The following CFTR variants were observed in gnomAD, a reference collection of about 807,000 sequenced individuals.
CFTR encodes the protein CF transmembrane conductance regulator, also known as cystic fibrosis transmembrane conductance regulator.
In CFTR, 181 loss-of-function variants were observed where a neutral mutation model predicts 171.6. The ratio of observed to expected loss-of-function variants is 1.05; its 90% CI spans 0.93 to 1.19. CFTR has a LOEUF of 1.19. Ranked by LOEUF, CFTR falls within the 50% of genes most tolerant of loss-of-function variation. The pLI is 0.00. For synonymous variants in CFTR, 583 were observed against 608.0 expected (o/e 0.96, Z 0.60); for missense variants, 1,968 against 1,734.7 (o/e 1.13, Z -2.39).
chr7:117,600,214 C>T (rs1347345807), intron 15 of CFTR, among the ~76,000 whole-genome samples: 4 of 152,000 alleles, frequency 2.6e-5, no homozygotes, highest in African/African-American at 9.7e-5. Flanking sequence ...TATTTGGTAA[C>T]ATTTTCCCTA....
chr7:117,590,304 G>T, intron 12 of CFTR, 49 bp from the exon 13 acceptor site: 2 of 1,584,490 alleles, frequency 1.3e-6, no homozygotes, highest in South Asian at 2.2e-5. Flanking sequence ...TACACTAGAT[G>T]ACCAGGAAAT....
In CFTR at chr7:117,639,962, G is replaced by A. The variant is rs949635279; in HGVS notation, c.3718-2476G>A. On this transcript the variant is annotated intron_variant, in intron 22 of 26. Transcript: ENST00000003084. ...CCATCTGTTGCAGTATTAAAATGGCGAGTAAGACACCCTGAAAGGAAATGT... is the reference window on the plus strand; with the variant it reads ...CCATCTGTTGCAGTATTAAAATGGCAAGTAAGACACCCTGAAAGGAAATGT... 5.3e-5 allele frequency among the ~76,000 whole-genome samples: 8 copies of A among 152,224 alleles called. No homozygotes were observed. The East Asian group carries it at 5.8e-4, about 11-fold the overall frequency.
intron 13 of CFTR, among the ~76,000 whole-genome samples, chr7:117,590,979 TAGAC>T (rs1209209349): frequency 6.6e-6 from 1 of 152,044 alleles, no homozygotes; most frequent in South Asian, 2.1e-4. Flanking sequence ...TGAAATTCCC[TAGAC>T]AGACAGACAG....
At chr7:117,595,616 G>T (rs1009117975) in intron 15 of CFTR, among the ~76,000 whole-genome samples, 26 of 152,138 alleles carry the variant, frequency 1.7e-4, no homozygotes, top group African/African-American at 6.3e-4. Flanking sequence ...AGGCATGGTG[G>T]TTCATGCCTG....
At chr7:117,531,433 G>A (rs1284747575) in intron 4 of CFTR, among the ~76,000 whole-genome samples, 1 of 151,448 alleles carries the variant, frequency 6.6e-6, no homozygotes, top group African/African-American at 2.4e-5. Context: ...AAAAGTAATT[G>A]ACAAAATATC....
intron 3 of CFTR, among the ~76,000 whole-genome samples, chr7:117,520,926 C>T (rs1291385969): frequency 1.3e-5 from 2 of 151,890 alleles, no homozygotes; most frequent in Non-Finnish European, 2.9e-5. Flanking sequence ...GAAGATTGCA[C>T]TAATCTTATA....
intron 15 of CFTR, among the ~76,000 whole-genome samples, chr7:117,596,553 G>T (rs1419706980): frequency 1.3e-5 from 2 of 152,372 alleles, no homozygotes; most frequent in Admixed American, 6.5e-5. Flanking sequence ...GGGATCCACT[G>T]GGTGAAGCCA....
chr7:117,660,980 A>C (rs1387758338), intron 24 of CFTR, among the ~76,000 whole-genome samples: 1 of 152,182 alleles, frequency 6.6e-6, no homozygotes, highest in Non-Finnish European at 1.5e-5. Flanking sequence ...AGTTGAAAGA[A>C]TATATGACTA....
At chr7:117,554,000 G>T (rs1373046421) in intron 10 of CFTR, among the ~76,000 whole-genome samples, 1 of 152,126 alleles carries the variant, frequency 6.6e-6, no homozygotes, top group Non-Finnish European at 1.5e-5. Flanking sequence ...GACAGGGAGG[G>T]TAGAATACTG....
intron 11 of CFTR, among the ~76,000 whole-genome samples, chr7:117,568,593 AT>A (rs1325162597): frequency 5.9e-5 from 9 of 152,126 alleles, no homozygotes; most frequent in Admixed American, 2.0e-4. Flanking sequence ...ATTTTTAAAT[AT>A]TTTTTCAGCC....
chr7:117,520,125 A>G (rs1302868101), intron 3 of CFTR, among the ~76,000 whole-genome samples: 1 of 151,534 alleles, frequency 6.6e-6, no homozygotes, highest in African/African-American at 2.4e-5. Flanking sequence ...TTAATTATGC[A>G]TTTATATTTC....
chr7:117,485,119 G>C (rs1798054466), intron 1 of CFTR, among the ~76,000 whole-genome samples: 2 of 152,172 alleles, frequency 1.3e-5, no homozygotes, highest in Middle Eastern at 3.2e-3. Context: ...GTCCTTGAGT[G>C]AGTACTGCTA....
At chr7:117,483,457 A>G (rs2116608921) in intron 1 of CFTR, among the ~76,000 whole-genome samples, 1 of 152,334 alleles carries the variant, frequency 6.6e-6, no homozygotes, top group African/African-American at 2.4e-5. Flanking sequence ...CTGAAAATAT[A>G]AAGATTTTTC....
intron 24 of CFTR, among the ~76,000 whole-genome samples, chr7:117,661,618 C>T (rs577012894): frequency 6.6e-6 from 1 of 152,244 alleles, no homozygotes; most frequent in Admixed American, 6.5e-5. Context: ...CCCAAGGCAA[C>T]TTGTGAAGGA....
chr7:117,565,532 C>T (rs1056667044), intron 11 of CFTR, among the ~76,000 whole-genome samples: 12 of 150,834 alleles, frequency 8.0e-5, no homozygotes, highest in African/African-American at 2.9e-4. Context: ...ATAAGGGGTG[C>T]GGGGTGGAGG....
intron 26 of CFTR, 141 bp downstream of exon 26, chr7:117,665,705 C>G: frequency 2.9e-6 from 2 of 687,306 alleles, no homozygotes; most frequent in Non-Finnish European, 5.4e-6. Flanking sequence ...CAGCTTTACT[C>G]AAAATAGCTG....
Position 117,592,345 on chromosome 7 carries a change from G to C in CFTR, c.2178G>C (p.Glu726Asp). 6.2e-7 allele frequency: 1 copy of C among 1,614,156 alleles called. No individual in the cohort carries two copies. The highest frequency in any genetic ancestry group is 8.5e-7 in the Non-Finnish European group (1 of 1,180,008). Residue 726 changes from glutamate (E) to aspartate (D), a missense_variant, in exon 14 of 27, where the codon GAG becomes GAC. Physicochemically the swap from Glu to Asp is conservative, Grantham distance 45. Coordinates refer to ENST00000003084, the MANE Select transcript of CFTR (RefSeq NM_000492.4). ...KTPLQMNGIEEDSDEPLERRL... is the reference protein window; with the variant it reads ...KTPLQMNGIEDDSDEPLERRL... The stretch of plus-strand genomic sequence containing the variant: ...CCTTACAAATGAATGGCATCGAAGA[G>C]GATTCTGATGAGCCTTTAGAGAGAA...
chr7:117,489,022 T>C (rs1481641313), intron 1 of CFTR, among the ~76,000 whole-genome samples: 1 of 152,054 alleles, frequency 6.6e-6, no homozygotes, highest in Non-Finnish European at 1.5e-5. Context: ...GTTTGTTGCT[T>C]GAAATTTCTT....
At chr7:117,543,766 G>A (rs148262418) in intron 9 of CFTR, among the ~76,000 whole-genome samples, 4 of 152,144 alleles carry the variant, frequency 2.6e-5, no homozygotes, top group African/African-American at 9.6e-5. Context: ...CTAAACTCTG[G>A]GCACCCCTTG....
Sources: gnomAD v4.1 joint callset for allele counts (sites outside exome capture counted in the v4.1 genomes callset) on GRCh38, gnomAD v4.1.1 for gene constraint, MANE v1.5 for transcripts, NCBI Gene and HGNC (gene_info 2026-07-23, HGNC 2026-07-21) for gene names.